Variants in NLGN1 observed in about 807,000 individuals in gnomAD.
The protein encoded by NLGN1 is neuroligin 1, also known as neuroligin-1.
A neutral mutation model predicts 65.5 loss-of-function variants in NLGN1; 12 were observed. The ratio of observed to expected loss-of-function variants is 0.18; its 90% CI spans 0.12 to 0.30. NLGN1 has a LOEUF of 0.30. NLGN1 is among the 10% of genes least tolerant of loss of function. The pLI, the probability that NLGN1 is intolerant of heterozygous loss-of-function variation, is 1.00. For synonymous variants in NLGN1, 350 were observed against 359.5 expected, an observed-to-expected ratio of 0.97 and a Z score of 0.30; for missense variants, 750 against 1,007.1, an observed-to-expected ratio of 0.74 and a Z score of 3.46.
chr3:173,490,947 A>T (rs1474287909), intron 2 of NLGN1, among the ~76,000 whole-genome samples: 1 of 151,024 alleles, frequency 6.6e-6, no homozygotes, highest in Non-Finnish European at 1.5e-5. Flanking sequence ...TTGATTTTGT[A>T]TCCTGAGACT....
upstream of NLGN1, chr3:173,397,769 G>T (rs1716876380): frequency 6.6e-6 from 1 of 152,228 alleles, no homozygotes; most frequent in African/African-American, 2.4e-5. Flanking sequence ...CGAGGATCAG[G>T]CGGCGGCGCG....
intron 4 of NLGN1, among the ~76,000 whole-genome samples, chr3:173,866,718 C>T (rs1177978835): frequency 2.0e-5 from 3 of 152,096 alleles, no homozygotes; most frequent in African/African-American, 7.2e-5. Flanking sequence ...AATACATAGC[C>T]ACTGAAGGGA....
chr3:173,755,947 A>G (rs1379911450), intron 3 of NLGN1, among the ~76,000 whole-genome samples: 1 of 152,132 alleles, frequency 6.6e-6, no homozygotes, highest in African/African-American at 2.4e-5. Flanking sequence ...CTGGAAGATC[A>G]ATTGTATCAT....
At position 173,942,213 on chromosome 3, in the gene NLGN1, A is replaced by T. The variant is rs1746279867; in HGVS notation, c.646+134381A>T. Reference sequence around the variant, plus strand: ...TACACATGTGCATATATACATACATAGTGAAGCACTGCCTATATTCTGGGC... The same window carrying T: ...TACACATGTGCATATATACATACATTGTGAAGCACTGCCTATATTCTGGGC... On this transcript the variant is annotated intron_variant, in intron 4 of 6. Coordinates refer to ENST00000457714, the Ensembl canonical transcript of NLGN1. Among the ~76,000 whole-genome samples, 3 of 151,898 alleles carry T rather than the reference A, an allele frequency of 2.0e-5. 1 individual carries two copies. The South Asian group carries it at 6.2e-4, about 32-fold the overall frequency.
rs186780750 is a variant in NLGN1 at position 174,241,746 on chromosome 3, C to T, written c.647-33569C>T. Reference sequence around the variant, plus strand: ...TCGGCTCACTGCAAGCTCCGCCTCCCGGGTTCACGCCATTCTCCTGCCTCA... The same window carrying T: ...TCGGCTCACTGCAAGCTCCGCCTCCTGGGTTCACGCCATTCTCCTGCCTCA... On this transcript the variant is annotated intron_variant, in intron 4 of 6. Transcript: ENST00000457714. 1.1e-3 allele frequency among the ~76,000 whole-genome samples: 171 copies of T among 152,090 alleles called. No homozygotes were observed. The East Asian group carries it at 0.013, about 11-fold the overall frequency.
intron 4 of NLGN1, among the ~76,000 whole-genome samples, chr3:173,974,984 G>T (rs1481508501): frequency 1.3e-5 from 2 of 151,956 alleles, no homozygotes; most frequent in African/African-American, 4.8e-5. Flanking sequence ...TACATTCAAT[G>T]AGTTCAAAAT....
chr3:173,910,767 G>A (rs1739430211), intron 4 of NLGN1: 1 of 152,186 alleles, frequency 6.6e-6, no homozygotes, highest in Non-Finnish European at 1.5e-5. Flanking sequence ...TTTGGAGTGA[G>A]AGACTTGATT....
chr3:173,792,806 A>G (rs1287327589), intron 3 of NLGN1, among the ~76,000 whole-genome samples: 1 of 152,212 alleles, frequency 6.6e-6, no homozygotes, highest in Non-Finnish European at 1.5e-5. Flanking sequence ...TTTAAATTAC[A>G]TTAATCTGCA....
chr3:174,257,631 T>G (rs80307525), intron 4 of NLGN1, among the ~76,000 whole-genome samples: 5 of 151,928 alleles, frequency 3.3e-5, no homozygotes, highest in African/African-American at 1.2e-4. Context: ...TGGGAGCCAT[T>G]ACCCTCAACA....
At chr3:173,422,154 C>T (rs544838699) in intron 1 of NLGN1, among the ~76,000 whole-genome samples, 49 of 152,042 alleles carry the variant, frequency 3.2e-4, no homozygotes, top group African/African-American at 1.1e-3. Context: ...TATACACACA[C>T]ACACACACAT....
At chr3:173,807,021 G>T (rs1014302817) in intron 3 of NLGN1, among the ~76,000 whole-genome samples, 6 of 152,124 alleles carry the variant, frequency 3.9e-5, no homozygotes, top group Non-Finnish European at 7.4e-5. Context: ...TGGATGTCCT[G>T]AATTTCCTAA....
chr3:173,926,689 T>G (rs1743064520), intron 4 of NLGN1, among the ~76,000 whole-genome samples: 1 of 152,218 alleles, frequency 6.6e-6, no homozygotes, highest in African/African-American at 2.4e-5. Flanking sequence ...TAATGTTCCA[T>G]GTTTACGTGG....
At chr3:174,130,941 TA>T (rs1020444925) in intron 4 of NLGN1, among the ~76,000 whole-genome samples, 2 of 151,914 alleles carry the variant, frequency 1.3e-5, no homozygotes, top group African/African-American at 4.8e-5. Context: ...ACAGTGACAA[TA>T]AAAAAAATTG....
At chr3:173,879,639 T>TTG (rs1732847260) in intron 4 of NLGN1, among the ~76,000 whole-genome samples, 1 of 102,686 alleles carries the variant, frequency 9.7e-6, no homozygotes, top group Non-Finnish European at 1.9e-5. Flanking sequence ...TTTCTGTGTG[T>TTG]TTTTTTTTTT....
chr3:173,584,807 G>A (rs1002190022), intron 2 of NLGN1: 46 of 151,550 alleles, frequency 3.0e-4, no homozygotes, highest in African/African-American at 1.0e-3. Flanking sequence ...GCAAAACTGG[G>A]GTTGCGGATG....
chr3:174,278,584 C>G (rs147944355), intron 5 of NLGN1, among the ~76,000 whole-genome samples: 1 of 151,858 alleles, frequency 6.6e-6, no homozygotes, highest in African/African-American at 2.4e-5. Context: ...GACTTTTTAC[C>G]ACTACATCGT....
intron 4 of NLGN1, among the ~76,000 whole-genome samples, chr3:174,112,334 G>A (rs1472994549): frequency 6.6e-6 from 1 of 151,850 alleles, no homozygotes; most frequent in South Asian, 2.1e-4. Context: ...TACCATACCT[G>A]TAAATATTTT....
At chr3:174,050,748 T>C (rs1011405916) in intron 4 of NLGN1, among the ~76,000 whole-genome samples, 1 of 152,004 alleles carries the variant, frequency 6.6e-6, no homozygotes, top group African/African-American at 2.4e-5. Flanking sequence ...CTTTAAAGCT[T>C]TCCCTCCTAT....
intron 4 of NLGN1, among the ~76,000 whole-genome samples, chr3:173,927,577 C>G (rs1743242990): frequency 6.6e-6 from 1 of 152,020 alleles, no homozygotes; most frequent in South Asian, 2.1e-4. Flanking sequence ...CTGGCTGTTT[C>G]CAAAGTGTAA....
Sources: allele counts gnomAD v4.1 joint callset (sites outside exome capture counted in the v4.1 genomes callset), GRCh38; gene constraint gnomAD v4.1.1; transcripts MANE v1.5; gene names NCBI Gene and HGNC (gene_info 2026-07-23, HGNC 2026-07-21).